The following PPM1L variants were observed in gnomAD, a reference collection of about 807,000 sequenced individuals.
PPM1L encodes protein phosphatase 1L.
PPM1L carries 13 observed loss-of-function variants against 31.4 expected under a neutral mutation model. That is an observed-to-expected ratio of 0.41 (90% CI 0.27 to 0.66). The LOEUF (loss-of-function observed/expected upper bound fraction) is 0.66, where lower values mean the gene tolerates loss of function less well. Ranked by LOEUF, PPM1L falls within the 30% of genes least tolerant of loss-of-function variation. The probability of loss-of-function intolerance (pLI) is 0.29; values close to 1 mark genes in which losing one functional copy is unlikely to be tolerated. For synonymous variants in PPM1L, 184 were observed against 175.4 expected (o/e 1.05, Z -0.39); for missense variants, 326 against 453.7 (o/e 0.72, Z 2.56).
At chr3:161,068,576 C>G (rs1188476887) in intron 3 of PPM1L, among the ~76,000 whole-genome samples, 2 of 152,090 alleles carry the variant, frequency 1.3e-5, no homozygotes, top group African/African-American at 2.4e-5. Flanking sequence ...ACCTTCAGTA[C>G]TCTTATTGAT....
chr3:161,011,997 A>G (rs951380644), intron 2 of PPM1L, among the ~76,000 whole-genome samples: 3 of 152,250 alleles, frequency 2.0e-5, no homozygotes, highest in African/African-American at 4.8e-5. Context: ...TTCCTAATTG[A>G]TTACCCTTTA....
At chr3:160,873,330 G>A (rs1712384929) in intron 1 of PPM1L, among the ~76,000 whole-genome samples, 1 of 152,094 alleles carries the variant, frequency 6.6e-6, no homozygotes, top group South Asian at 2.1e-4. Context: ...ATAAATTTCT[G>A]GGCTAATTAG....
At chr3:160,780,088 G>C (rs1018797235) in intron 1 of PPM1L, among the ~76,000 whole-genome samples, 1 of 151,402 alleles carries the variant, frequency 6.6e-6, no homozygotes, top group African/African-American at 2.4e-5. Context: ...ACAGTGGCAT[G>C]ATCACTGCCC....
At chr3:160,945,767 CTTT>C (rs1278751569) in intron 1 of PPM1L, among the ~76,000 whole-genome samples, 2 of 152,094 alleles carry the variant, frequency 1.3e-5, no homozygotes, top group African/African-American at 2.4e-5. Flanking sequence ...CCAACTCCTC[CTTT>C]TTCTCCTCCT....
At chr3:160,836,822 T>C (rs2108101853) in intron 1 of PPM1L, among the ~76,000 whole-genome samples, 1 of 152,334 alleles carries the variant, frequency 6.6e-6, no homozygotes, top group African/African-American at 2.4e-5. Context: ...GGTGAATTTT[T>C]ACCAATCTCA....
Position 160,822,911 on chromosome 3 carries a change from G to T in PPM1L, c.399+66204G>T, listed in dbSNP as rs550613061. 3.6e-4 allele frequency among the ~76,000 whole-genome samples: 54 copies of T among 151,974 alleles called. 2 individuals carry two copies. The South Asian group carries it at 0.011, about 30-fold the overall frequency. ...ATCTAAAAGGAAGAGCTAGTTAAAC[G>T]ACCATCTGTAAGAAAAATAAAATGA... On this transcript the variant is annotated intron_variant, in intron 1 of 3. Transcript: ENST00000498165.
intron 1 of PPM1L, among the ~76,000 whole-genome samples, chr3:160,850,881 T>G (rs1576670085): frequency 1.7e-5 from 2 of 118,926 alleles, no homozygotes; most frequent in African/African-American, 5.6e-5. Context: ...TCTTTTTTTT[T>G]GGTGGGGGGG....
intron 2 of PPM1L, among the ~76,000 whole-genome samples, chr3:161,028,086 T>G (rs1233826414): frequency 6.6e-6 from 1 of 152,162 alleles, no homozygotes; most frequent in Non-Finnish European, 1.5e-5. Flanking sequence ...TAGGCTCTTC[T>G]CATAATCAGA....
intron 1 of PPM1L, among the ~76,000 whole-genome samples, chr3:160,776,917 A>G (rs111738209): frequency 0.017 from 2,549 of 151,994 alleles, 69 homozygotes; most frequent in African/African-American, 0.058. Flanking sequence ...CTTTTATAGA[A>G]TGGGTGCCCT....
intron 1 of PPM1L, among the ~76,000 whole-genome samples, chr3:160,909,464 A>G (rs1001075504): frequency 1.3e-4 from 20 of 152,202 alleles, no homozygotes; most frequent in African/African-American, 4.8e-4. Flanking sequence ...AGTTTGAGGT[A>G]TTAGCACTGG....
At chr3:160,785,119 T>TTA (rs1051112989) in intron 1 of PPM1L, among the ~76,000 whole-genome samples, 8 of 152,176 alleles carry the variant, frequency 5.3e-5, no homozygotes, top group Admixed American at 5.2e-4. Context: ...CAACAAGGAT[T>TTA]TATACAGTGT....
At chr3:160,831,496 GTTA>G (rs111865916) in intron 1 of PPM1L, among the ~76,000 whole-genome samples, 3 of 152,148 alleles carry the variant, frequency 2.0e-5, no homozygotes, top group African/African-American at 7.2e-5. Flanking sequence ...ATTATTCCAA[GTTA>G]ATCTAAGTCA....
At chr3:160,805,974 GCAA>G (rs1357936512) in intron 1 of PPM1L, among the ~76,000 whole-genome samples, 4 of 152,054 alleles carry the variant, frequency 2.6e-5, no homozygotes, top group African/African-American at 9.7e-5. Flanking sequence ...CTGGAAAAAA[GCAA>G]CAACAAGAAC....
intron 1 of PPM1L, among the ~76,000 whole-genome samples, chr3:160,913,113 C>T (rs746484332): frequency 6.6e-6 from 1 of 151,962 alleles, no homozygotes; most frequent in Non-Finnish European, 1.5e-5. Flanking sequence ...TGAGGTGTTC[C>T]TGGAGACATG....
At chr3:161,001,203 T>G (rs1717468253) in intron 2 of PPM1L, among the ~76,000 whole-genome samples, 1 of 152,144 alleles carries the variant, frequency 6.6e-6, no homozygotes, top group African/African-American at 2.4e-5. Context: ...TGGGCTAGAT[T>G]GCAAAACAAA....
chr3:161,049,210 C>T (rs1287070761), intron 2 of PPM1L, among the ~76,000 whole-genome samples: 1 of 151,408 alleles, frequency 6.6e-6, no homozygotes, highest in Non-Finnish European at 1.5e-5. Flanking sequence ...GTGAGGAGAT[C>T]GAGGCTGCAA....
At chr3:160,846,643 A>C (rs1355125707) in intron 1 of PPM1L, among the ~76,000 whole-genome samples, 1 of 152,120 alleles carries the variant, frequency 6.6e-6, no homozygotes, top group Admixed American at 6.5e-5. Flanking sequence ...GTCACCAGTT[A>C]AATTGGTTGG....
At chr3:160,866,659 G>A (rs886207732) in intron 1 of PPM1L, among the ~76,000 whole-genome samples, 12 of 152,164 alleles carry the variant, frequency 7.9e-5, no homozygotes, top group African/African-American at 2.9e-4. Flanking sequence ...TCATGGGACT[G>A]TACTAAGGTG....
chr3:161,068,430 CG>C (rs1303357883), intron 3 of PPM1L, among the ~76,000 whole-genome samples: 7 of 152,188 alleles, frequency 4.6e-5, no homozygotes, highest in Non-Finnish European at 2.9e-5. Flanking sequence ...ATGATATATA[CG>C]GTGCCTGTTC....
Sources: allele counts gnomAD v4.1 joint callset (sites outside exome capture counted in the v4.1 genomes callset), GRCh38; gene constraint gnomAD v4.1.1; transcripts MANE v1.5; gene names NCBI Gene and HGNC (gene_info 2026-07-23, HGNC 2026-07-21).